DENND5B: variants seen among roughly 807,000 people sequenced by gnomAD.
The protein encoded by DENND5B is DENN domain containing 5B, also known as DENN domain-containing protein 5B.
DENND5B carries 34 observed loss-of-function variants against 140.6 expected under a neutral mutation model. That is an observed-to-expected ratio of 0.24 (90% CI 0.18 to 0.32). DENND5B has a LOEUF of 0.32. Among genes scored for constraint, DENND5B ranks in the 10% least tolerant of loss-of-function variants. DENND5B has a pLI of 1.00. For synonymous variants in DENND5B, 551 were observed against 562.1 expected (o/e 0.98, Z 0.28); for missense variants, 1,142 against 1,560.2 (o/e 0.73, Z 4.52).
Position 31,478,893 on chromosome 12 carries a change from T to TA in DENND5B, c.904+695dup, listed in dbSNP as rs1483232314. ...GCATTAGTCTTCACAAATGTACTGG[T>TA]AAAATAAAATCCATAGTTTGTTATT... On this transcript the variant is annotated intron_variant, in intron 3 of 20. Transcript: ENST00000389082. Among the ~76,000 whole-genome samples, 5 of 152,172 alleles carry TA rather than the reference T, an allele frequency of 3.3e-5. No individual in the cohort carries two copies. In the East Asian group the frequency reaches 9.6e-4, roughly 29 times the overall value.
At chr12:31,469,565 T>C (rs1945445670) in intron 3 of DENND5B, among the ~76,000 whole-genome samples, 1 of 152,090 alleles carries the variant, frequency 6.6e-6, no homozygotes, top group Admixed American at 6.6e-5. Context: ...TTCTGGGAAT[T>C]TATAGAACTT....
Position 31,416,725 on chromosome 12 carries a change from G to A in DENND5B, c.2471-1277C>T, listed in dbSNP as rs149914377. On this transcript the variant is annotated intron_variant, in intron 11 of 20. Transcript: ENST00000389082. Reference sequence around the variant, plus strand: ...TTGAAAAAAAATCTAAGCTGTGTACGGTGGCTCACTCCTGTAATCCCAACA... The same window carrying A: ...TTGAAAAAAAATCTAAGCTGTGTACAGTGGCTCACTCCTGTAATCCCAACA... Among the ~76,000 whole-genome samples the A allele has an allele frequency of 3.8e-3, 574 of 151,916 alleles. 5 individuals are homozygous for A. Among genetic ancestry groups the A allele is most frequent in the African/African-American group, 0.011 (448 of 41,468 alleles).
At chr12:31,391,912 G>A (rs1301164278) in intron 19 of DENND5B, among the ~76,000 whole-genome samples, 1 of 151,850 alleles carries the variant, frequency 6.6e-6, no homozygotes, top group Non-Finnish European at 1.5e-5. Flanking sequence ...AGGCTGAGGC[G>A]GGTGGATCAC....
intron 1 of DENND5B, among the ~76,000 whole-genome samples, chr12:31,526,965 T>C (rs1334409017): frequency 1.3e-5 from 2 of 152,258 alleles, no homozygotes; most frequent in East Asian, 3.8e-4. Context: ...ATTTTGTGCC[T>C]GCTATGAACA....
intron 14 of DENND5B, among the ~76,000 whole-genome samples, chr12:31,404,759 C>CCTTTTTT (rs1942021654): frequency 1.4e-5 from 1 of 74,064 alleles, no homozygotes; most frequent in Admixed American, 2.0e-4. Context: ...CGACCTCTAG[C>CCTTTTTT]TTTTTTTTTT....
chr12:31,415,471 A>G, intron 11 of DENND5B, 23 bp from the exon 12 acceptor site: 1 of 1,536,788 alleles, frequency 6.5e-7, no homozygotes, highest in South Asian at 1.2e-5. Context: ...ATATCAACAA[A>G]ATATTAGAAA....
chr12:31,472,210 T>G (rs1343779132), intron 3 of DENND5B, among the ~76,000 whole-genome samples: 1 of 152,112 alleles, frequency 6.6e-6, no homozygotes, highest in Admixed American at 6.5e-5. Context: ...TAATAATGAG[T>G]CAAAGGACTC....
At chr12:31,561,458 AAAT>A (rs138596883) in intron 1 of DENND5B, among the ~76,000 whole-genome samples, 1 of 152,148 alleles carries the variant, frequency 6.6e-6, no homozygotes, top group African/African-American at 2.4e-5. Flanking sequence ...ACCCTGTCTC[AAAT>A]AATAATAATA....
chr12:31,555,071 T>C (rs1308749690), intron 1 of DENND5B, among the ~76,000 whole-genome samples: 1 of 152,200 alleles, frequency 6.6e-6, no homozygotes, highest in African/African-American at 2.4e-5. Flanking sequence ...CAGTCATTCT[T>C]TGTCCAGCTT....
intron 1 of DENND5B, among the ~76,000 whole-genome samples, chr12:31,501,341 G>A (rs1216231776): frequency 1.3e-5 from 2 of 152,184 alleles, no homozygotes; most frequent in Non-Finnish European, 2.9e-5. Flanking sequence ...ACAATTGTAA[G>A]TTTCCTGAGG....
chr12:31,446,773 T>C (rs985543650), intron 6 of DENND5B, among the ~76,000 whole-genome samples: 1 of 151,158 alleles, frequency 6.6e-6, no homozygotes, highest in Admixed American at 6.6e-5. Flanking sequence ...TGGGCGCCTA[T>C]AGTCCCAGCT....
chr12:31,432,021 C>T, intron 8 of DENND5B: 1 of 974,742 alleles, frequency 1.0e-6, no homozygotes, highest in Admixed American at 6.2e-5. Context: ...TCTGGTAAAG[C>T]ACTTTCAAGC....
intron 17 of DENND5B, among the ~76,000 whole-genome samples, chr12:31,397,567 A>AAAAAAAG (rs1941548536): frequency 6.7e-6 from 1 of 149,108 alleles, no homozygotes; most frequent in Non-Finnish European, 1.5e-5. Flanking sequence ...AAAAAAAAAA[A>AAAAAAAG]AAAAAAGGCT....
At chr12:31,423,825 T>G (rs910451799) in intron 10 of DENND5B, 150 bp from the exon 11 acceptor site, 1 of 722,670 alleles carries the variant, frequency 1.4e-6, no homozygotes. Flanking sequence ...GAGCATCTTC[T>G]GCATGTATCA....
intron 1 of DENND5B, among the ~76,000 whole-genome samples, chr12:31,509,310 C>A (rs1218204022): frequency 6.6e-6 from 1 of 152,182 alleles, no homozygotes; most frequent in Non-Finnish European, 1.5e-5. Flanking sequence ...TTATTATCCA[C>A]TTATTCATCC....
chr12:31,489,033 T>C (rs1946415635), intron 2 of DENND5B, among the ~76,000 whole-genome samples: 1 of 152,208 alleles, frequency 6.6e-6, no homozygotes, highest in Non-Finnish European at 1.5e-5. Context: ...AATTCCTTTT[T>C]CCACATCTTG....
At chr12:31,508,686 C>T (rs912968775) in intron 1 of DENND5B, among the ~76,000 whole-genome samples, 2 of 152,200 alleles carry the variant, frequency 1.3e-5, no homozygotes, top group Non-Finnish European at 2.9e-5. Context: ...AAGCAGTTAT[C>T]TGAGTCTCTC....
chr12:31,452,405 A>G lies in DENND5B; in HGVS notation c.1164T>C (p.Asn388=). Reference sequence around the variant, plus strand: ...AGAGTTCTTGGATAAAATCCACTTTATTGGGGAACTGTGGAAATTCTTCAG... The same window carrying G: ...AGAGTTCTTGGATAAAATCCACTTTGTTGGGGAACTGTGGAAATTCTTCAG... ...ELPEEFPQFP[N]KVDFIQELSE... Residue 388 remains asparagine, a synonymous_variant, in exon 5 of 21, where the codon AAT becomes AAC. Coordinates refer to ENST00000389082, the MANE Select transcript of DENND5B (RefSeq NM_144973.4). The G allele has an allele frequency of 6.2e-7, 1 of 1,613,594 alleles. No individual in the cohort carries two copies. The highest frequency in any genetic ancestry group is 8.5e-7 in the Non-Finnish European group (1 of 1,179,782).
intron 4 of DENND5B, 51 bp from the exon 5 acceptor site, chr12:31,452,527 G>A: frequency 2.0e-6 from 3 of 1,504,834 alleles, no homozygotes; most frequent in Admixed American, 4.5e-5. Context: ...AATTGTATGT[G>A]CTAACATATT....
Sources: gnomAD v4.1 joint callset for allele counts (sites outside exome capture counted in the v4.1 genomes callset) on GRCh38, gnomAD v4.1.1 for gene constraint, MANE v1.5 for transcripts, NCBI Gene and HGNC (gene_info 2026-07-23, HGNC 2026-07-21) for gene names.